Variants in TMEM41B observed in about 807,000 individuals in gnomAD.
TMEM41B encodes the protein protein stasimon.
Under a neutral mutation model 31.9 loss-of-function variants are expected in TMEM41B, and 18 were observed. That is an observed-to-expected ratio of 0.56 (90% CI 0.39 to 0.84). TMEM41B has a LOEUF of 0.84. Among genes scored for constraint, TMEM41B ranks in the 40% least tolerant of loss-of-function variants. The pLI, the probability that TMEM41B is intolerant of heterozygous loss-of-function variation, is 0.00. For missense variants in TMEM41B, 322 were observed against 348.0 expected, an observed-to-expected ratio of 0.93 and a Z score of 0.59; for synonymous variants, 144 against 124.3, an observed-to-expected ratio of 1.16 and a Z score of -1.05.
At chr11:9,301,838 A>C (rs1483040742) in intron 1 of TMEM41B, among the ~76,000 whole-genome samples, 1 of 152,150 alleles carries the variant, frequency 6.6e-6, no homozygotes, top group Non-Finnish European at 1.5e-5. Context: ...TGGTACGCCG[A>C]AGACATGTAT....
intron 2 of TMEM41B, among the ~76,000 whole-genome samples, chr11:9,298,551 G>A (rs1853157467): frequency 6.6e-6 from 1 of 151,788 alleles, no homozygotes; most frequent in Non-Finnish European, 1.5e-5. Flanking sequence ...GATCACTTGA[G>A]GCCAGGAGTT....
chr11:9,299,336 A>ACACACG (rs1026788587), intron 2 of TMEM41B, among the ~76,000 whole-genome samples: 37 of 147,942 alleles, frequency 2.5e-4, no homozygotes, highest in Non-Finnish European at 4.9e-4. Context: ...ACACACACAC[A>ACACACG]CACACACACG....
Position 9,286,538 on chromosome 11 carries a change from G to A in TMEM41B, c.623C>T (p.Pro208Leu). 7 of 1,612,992 alleles carry A rather than the reference G, an allele frequency of 4.3e-6. No homozygotes were observed. Among genetic ancestry groups the A allele is most frequent in the Non-Finnish European group, 5.9e-6 (7 of 1,179,506 alleles). Reference sequence around the variant, plus strand: ...ATTAATAAACCAATTAGGCAGAAATGGTGTTATTCTCAAAAATATAATGTA... The same window carrying A: ...ATTAATAAACCAATTAGGCAGAAATAGTGTTATTCTCAAAAATATAATGTA... ...INYIIFLRITPFLPNWFINIT... is the reference protein window; with the variant it reads ...INYIIFLRITLFLPNWFINIT... The change falls in exon 6 of 7, where the codon CCA (proline) becomes CTA (leucine). Residue 208 changes from proline (P) to leucine (L), a missense_variant. Transcript: ENST00000528080.
At chr11:9,295,115 C>A in intron 3 of TMEM41B, 144 bp downstream of exon 3, 7 of 1,041,880 alleles carry the variant, frequency 6.7e-6, no homozygotes, top group Non-Finnish European at 8.9e-6. Context: ...TAATTTTTTT[C>A]CATTTTAATT....
chr11:9,313,682 A>T (rs1447951016), intron 1 of TMEM41B, among the ~76,000 whole-genome samples: 1 of 152,226 alleles, frequency 6.6e-6, no homozygotes, highest in African/African-American at 2.4e-5. Context: ...GCTAATATTT[A>T]TTTAGCCCCC....
At chr11:9,290,997 T>A (rs901209949) in intron 3 of TMEM41B, among the ~76,000 whole-genome samples, 7 of 152,106 alleles carry the variant, frequency 4.6e-5, no homozygotes, top group African/African-American at 1.7e-4. Context: ...ATGCCTGTAA[T>A]GCCAGGTACT....
intron 3 of TMEM41B, among the ~76,000 whole-genome samples, chr11:9,290,852 C>T (rs926980399): frequency 6.6e-6 from 1 of 152,166 alleles, no homozygotes; most frequent in Admixed American, 6.5e-5. Flanking sequence ...GGCACCGTGG[C>T]TCCCGCCTGT....
chr11:9,293,232 A>T (rs1481085447), intron 3 of TMEM41B, among the ~76,000 whole-genome samples: 3 of 151,978 alleles, frequency 2.0e-5, no homozygotes. Context: ...CCTCCCAAGT[A>T]GCTAGGACTA....
intron 1 of TMEM41B, among the ~76,000 whole-genome samples, chr11:9,308,913 T>A (rs527467034): frequency 2.0e-5 from 3 of 152,240 alleles, no homozygotes; most frequent in African/African-American, 7.2e-5. Context: ...GGAACCAAAC[T>A]TAAGGTTAAG....
At position 9,287,685 on chromosome 11, in the gene TMEM41B, T is replaced by TA; in HGVS notation, c.567+16dup. On this transcript the variant is annotated intron_variant, in intron 5 of 6. Coordinates refer to ENST00000528080, the MANE Select transcript of TMEM41B (RefSeq NM_015012.4). Reference sequence around the variant, plus strand: ...TAACAAAGAGTTACATCAAATAATTTAAAAATACATGTTTACCTGCTGTGA... The same window carrying TA: ...TAACAAAGAGTTACATCAAATAATTTAAAAAATACATGTTTACCTGCTGTGA... The TA allele has an allele frequency of 6.4e-7, 1 of 1,565,082 alleles. No homozygotes were observed. Among genetic ancestry groups the TA allele is most frequent in the Non-Finnish European group, 8.7e-7 (1 of 1,144,334 alleles).
chr11:9,300,111 C>T (rs1384398602), intron 1 of TMEM41B, among the ~76,000 whole-genome samples: 1 of 152,144 alleles, frequency 6.6e-6, no homozygotes, highest in Non-Finnish European at 1.5e-5. Flanking sequence ...AAGAGCAAAA[C>T]TTCGTCTAAA....
At chr11:9,284,906 TA>T (rs1338922121) in intron 6 of TMEM41B, among the ~76,000 whole-genome samples, 1 of 151,966 alleles carries the variant, frequency 6.6e-6, no homozygotes, top group African/African-American at 2.4e-5. Context: ...CAAAGGGAAA[TA>T]AATTACTTTG....
Position 9,281,515 on chromosome 11 carries a change from T to C in TMEM41B, c.*1909A>G, listed in dbSNP as rs1259155428. Reference sequence around the variant, plus strand: ...GCTTTGAGGATGATTATACCTCTTATAATAAAAACATACAAGGATTTCTCA... The same window carrying C: ...GCTTTGAGGATGATTATACCTCTTACAATAAAAACATACAAGGATTTCTCA... On this transcript the variant is annotated 3_prime_UTR_variant, in exon 7 of 7. Coordinates refer to ENST00000528080, the MANE Select transcript of TMEM41B (RefSeq NM_015012.4). 1 of 152,202 alleles carries C rather than the reference T, an allele frequency of 6.6e-6. No homozygotes were observed. The highest frequency in any genetic ancestry group is 1.5e-5 in the Non-Finnish European group (1 of 68,032). The allele number at this position is 152,202 out of a possible 1,614,324, so 9.4% of individuals were successfully genotyped here. A position where few individuals can be genotyped will look rare whatever the true frequency, so the allele number is the denominator to read the frequency against.
chr11:9,282,653 G>C lies in TMEM41B; in HGVS notation c.*771C>G, dbSNP rs984606459. On this transcript the variant is annotated 3_prime_UTR_variant, in exon 7 of 7. Coordinates refer to ENST00000528080, the MANE Select transcript of TMEM41B (RefSeq NM_015012.4). ...TTACCTCAAAAGAGGAAGAAAATGG[G>C]CCAGGCGCGGTGGCTCACGCCTGTA... 1 of 152,082 alleles carries C rather than the reference G, an allele frequency of 6.6e-6. No homozygotes were observed. The highest frequency in any genetic ancestry group is 1.5e-5 in the Non-Finnish European group (1 of 68,042). 9.4% of individuals were successfully genotyped at this position (152,082 alleles called of 1,614,324 possible). A position where few individuals can be genotyped will look rare whatever the true frequency, so the allele number is the denominator to read the frequency against.
rs1333313639 is a variant in TMEM41B at position 9,302,342 on chromosome 11, T to C, written c.122-2641A>G. 3.0e-5 allele frequency among the ~76,000 whole-genome samples: 3 copies of C among 100,618 alleles called. 1 individual carries two copies. Among genetic ancestry groups the C allele is most frequent in the African/African-American group, 1.2e-4 (3 of 25,998 alleles). The allele number at this position is 100,618 out of a possible 152,430, so 66.0% of individuals were successfully genotyped here. On this transcript the variant is annotated intron_variant, in intron 1 of 6. Transcript: ENST00000528080. ...TCTTGTTTTAACAATCTTCCTTTTT[T>C]CCTAGTTTAAACTGATGTCTATTCC...
chr11:9,288,294 T>C, intron 4 of TMEM41B, 148 bp downstream of exon 4: 1 of 575,284 alleles, frequency 1.7e-6, no homozygotes. Context: ...AAACAAATTA[T>C]AACACCTCCT....
chr11:9,300,730 T>C (rs1853231815), intron 1 of TMEM41B, among the ~76,000 whole-genome samples: 1 of 151,644 alleles, frequency 6.6e-6, no homozygotes, highest in Admixed American at 6.6e-5. Context: ...TACAAAAAAT[T>C]AGCTGGGCAT....
chr11:9,296,396 C>T lies in TMEM41B; in HGVS notation c.240-1009G>A, dbSNP rs947456416. Among the ~76,000 whole-genome samples, 18 of 151,628 alleles carry T rather than the reference C, an allele frequency of 1.2e-4. No individual in the cohort carries two copies. In the East Asian group the frequency reaches 1.8e-3, roughly 15 times the overall value. ...ACCCCAGCACTTTGGGAAGCCGAGG[C>T]GGGTGGATCGCCTGACATGAGGAGT... On this transcript the variant is annotated intron_variant, in intron 2 of 6. Coordinates refer to ENST00000528080, the MANE Select transcript of TMEM41B (RefSeq NM_015012.4).
Position 9,280,684 on chromosome 11 carries a change from T to G in TMEM41B, c.*2740A>C, listed in dbSNP as rs1321600847. On this transcript the variant is annotated 3_prime_UTR_variant, in exon 7 of 7. Coordinates refer to ENST00000528080, the MANE Select transcript of TMEM41B (RefSeq NM_015012.4). ...GTTTCTCCAATACAATTTATTATTA[T>G]TACATTTTAGCTTGCATTTACTAAG... The G allele has an allele frequency of 6.6e-6, 1 of 152,216 alleles. No individual in the cohort carries two copies. Among genetic ancestry groups the G allele is most frequent in the Non-Finnish European group, 1.5e-5 (1 of 68,044 alleles). 9.4% of individuals were successfully genotyped at this position (152,216 alleles called of 1,614,324 possible). A position where few individuals can be genotyped will look rare whatever the true frequency, so the allele number is the denominator to read the frequency against.
Sources: gnomAD v4.1 joint callset for allele counts (sites outside exome capture counted in the v4.1 genomes callset) on GRCh38, gnomAD v4.1.1 for gene constraint, MANE v1.5 for transcripts, NCBI Gene and HGNC (gene_info 2026-07-23, HGNC 2026-07-21) for gene names.